PDZRN4: variants seen among roughly 807,000 people sequenced by gnomAD.
The protein encoded by PDZRN4 is PDZ domain-containing RING finger protein 4.
In PDZRN4, 70 loss-of-function variants were observed where a neutral mutation model predicts 99.0. That is an observed-to-expected ratio of 0.71 (90% CI 0.58 to 0.86). The LOEUF is 0.86. Among genes scored for constraint, PDZRN4 ranks in the 40% least tolerant of loss-of-function variants. The probability of loss-of-function intolerance (pLI) is 0.00; values close to 1 mark genes in which losing one functional copy is unlikely to be tolerated. For synonymous variants in PDZRN4, 551 were observed against 501.6 expected, an observed-to-expected ratio of 1.10 and a Z score of -1.32; for missense variants, 1,474 against 1,331.2, an observed-to-expected ratio of 1.11 and a Z score of -1.67.
intron 3 of PDZRN4, among the ~76,000 whole-genome samples, chr12:41,243,682 G>A (rs1399063223): frequency 6.6e-6 from 1 of 152,060 alleles, no homozygotes; most frequent in African/African-American, 2.4e-5. Flanking sequence ...TTAATTTGAG[G>A]TAATGGTTTT....
chr12:41,373,429 G>A (rs996727529), intron 3 of PDZRN4, among the ~76,000 whole-genome samples: 8 of 152,082 alleles, frequency 5.3e-5, no homozygotes, highest in Non-Finnish European at 1.0e-4. Flanking sequence ...CCATTTCAGA[G>A]GCCTACCCTC....
chr12:41,375,082 G>A (rs1952069644), intron 3 of PDZRN4, among the ~76,000 whole-genome samples: 1 of 152,172 alleles, frequency 6.6e-6, no homozygotes, highest in South Asian at 2.1e-4. Flanking sequence ...GCTAGCAGCT[G>A]ATAGGAGCCG....
intron 3 of PDZRN4, among the ~76,000 whole-genome samples, chr12:41,212,311 T>C (rs907730736): frequency 1.3e-5 from 2 of 152,060 alleles, no homozygotes; most frequent in Non-Finnish European, 2.9e-5. Context: ...CTGTTCTGTT[T>C]GATTTGGTTT....
At chr12:41,526,633 C>T (rs979935486) in intron 5 of PDZRN4, among the ~76,000 whole-genome samples, 1 of 152,126 alleles carries the variant, frequency 6.6e-6, no homozygotes, top group Admixed American at 6.5e-5. Context: ...TTGTTTTTCA[C>T]TGCTTTTTAA....
chr12:41,424,414 T>C (rs1488144363), intron 3 of PDZRN4, among the ~76,000 whole-genome samples: 3 of 152,160 alleles, frequency 2.0e-5, no homozygotes, highest in Non-Finnish European at 4.4e-5. Flanking sequence ...AAAATTTGGA[T>C]GGTGTGTAGA....
intron 3 of PDZRN4, chr12:41,459,914 G>C: frequency 1.6e-6 from 2 of 1,252,612 alleles, no homozygotes; most frequent in Non-Finnish European, 2.0e-6. Flanking sequence ...CAGCTTTACT[G>C]TTTTGACTGA....
At chr12:41,200,672 T>C (rs1950809196) in intron 3 of PDZRN4, among the ~76,000 whole-genome samples, 1 of 152,124 alleles carries the variant, frequency 6.6e-6, no homozygotes, top group Non-Finnish European at 1.5e-5. Context: ...TAACATTATT[T>C]TGATTCATTT....
At chr12:41,287,078 T>G (rs1300692738) in intron 3 of PDZRN4, among the ~76,000 whole-genome samples, 1 of 152,166 alleles carries the variant, frequency 6.6e-6, no homozygotes, top group Non-Finnish European at 1.5e-5. Context: ...TTTGATGTAG[T>G]GATGTGCAGA....
At chr12:41,386,149 T>C (rs548810826) in intron 3 of PDZRN4, among the ~76,000 whole-genome samples, 31 of 152,290 alleles carry the variant, frequency 2.0e-4, no homozygotes, top group Admixed American at 1.2e-3. Context: ...AAACTAGTTA[T>C]TCAGGAAATA....
chr12:41,358,327 AAG>A (rs1951942062), intron 3 of PDZRN4, among the ~76,000 whole-genome samples: 2 of 152,026 alleles, frequency 1.3e-5, no homozygotes, highest in Non-Finnish European at 2.9e-5. Context: ...TCAGCATAGA[AAG>A]AGAATATTTT....
chr12:41,224,040 C>A (rs1950976530), intron 3 of PDZRN4, among the ~76,000 whole-genome samples: 1 of 152,228 alleles, frequency 6.6e-6, no homozygotes, highest in Non-Finnish European at 1.5e-5. Context: ...CAGAAAACTG[C>A]ACCAAGTTTG....
chr12:41,238,641 T>C lies in PDZRN4; in HGVS notation c.843+44453T>C, dbSNP rs187412442. On this transcript the variant is annotated intron_variant, in intron 3 of 9. Coordinates refer to ENST00000402685, the MANE Select transcript of PDZRN4 (RefSeq NM_001164595.2). Reference sequence around the variant, plus strand: ...AAGAAAAAAAGCTCAACATCACTGATCATTAGAGAAATTCCAATCAAAACC... The same window carrying C: ...AAGAAAAAAAGCTCAACATCACTGACCATTAGAGAAATTCCAATCAAAACC... 1.4e-3 allele frequency among the ~76,000 whole-genome samples: 213 copies of C among 151,948 alleles called. 1 individual carries two copies. Among genetic ancestry groups the C allele is most frequent in the African/African-American group, 4.9e-3 (203 of 41,442 alleles).
intron 3 of PDZRN4, among the ~76,000 whole-genome samples, chr12:41,284,534 G>C (rs2120893202): frequency 6.6e-6 from 1 of 152,146 alleles, no homozygotes; most frequent in South Asian, 2.1e-4. Context: ...ACCAAAAAAA[G>C]AGCCCATATA....
chr12:41,416,211 A>G (rs1047990294), intron 3 of PDZRN4, among the ~76,000 whole-genome samples: 8 of 152,238 alleles, frequency 5.3e-5, no homozygotes, highest in African/African-American at 1.9e-4. Context: ...CTGTAGACAT[A>G]CATCCACTGT....
intron 3 of PDZRN4, among the ~76,000 whole-genome samples, chr12:41,294,539 T>A (rs1951477957): frequency 6.6e-6 from 1 of 152,180 alleles, no homozygotes; most frequent in Admixed American, 6.5e-5. Flanking sequence ...TCATTTTAAA[T>A]ATTTAACATT....
intron 3 of PDZRN4, chr12:41,459,874 TA>T (rs1228122988): frequency 5.4e-5 from 61 of 1,128,780 alleles, no homozygotes; most frequent in East Asian, 1.9e-4. Context: ...AACATTAGTT[TA>T]AAAAAAATGA....
intron 3 of PDZRN4, among the ~76,000 whole-genome samples, chr12:41,206,948 C>T (rs1296729360): frequency 1.3e-5 from 2 of 151,850 alleles, no homozygotes; most frequent in East Asian, 1.9e-4. Context: ...TATTTTGCTT[C>T]GCAATTCTTT....
At chr12:41,204,544 T>C (rs1180494809) in intron 3 of PDZRN4, among the ~76,000 whole-genome samples, 1 of 151,872 alleles carries the variant, frequency 6.6e-6, no homozygotes, top group Non-Finnish European at 1.5e-5. Context: ...CTTACAACAA[T>C]GACCAAAGGT....
intron 3 of PDZRN4, among the ~76,000 whole-genome samples, chr12:41,245,279 G>T (rs907511219): frequency 3.3e-5 from 5 of 152,078 alleles, no homozygotes; most frequent in Non-Finnish European, 7.3e-5. Context: ...GCAGCCTCCT[G>T]TTAGGCATTT....
Sources: allele counts gnomAD v4.1 joint callset (sites outside exome capture counted in the v4.1 genomes callset), GRCh38; gene constraint gnomAD v4.1.1; transcripts MANE v1.5; gene names NCBI Gene and HGNC (gene_info 2026-07-23, HGNC 2026-07-21).